The following CLIC5 variants were observed in gnomAD, a reference collection of about 807,000 sequenced individuals.
CLIC5 encodes the protein CLIC family member 5.
A neutral mutation model predicts 24.7 loss-of-function variants in CLIC5; 20 were observed. The ratio of observed to expected loss-of-function variants is 0.81; its 90% CI spans 0.57 to 1.18. CLIC5 has a LOEUF of 1.18. CLIC5 is among the 50% of genes most tolerant of loss of function. The pLI is 0.00. For synonymous variants in CLIC5, 159 were observed against 135.6 expected, an observed-to-expected ratio of 1.17 and a Z score of -1.20; for missense variants, 341 against 326.1, an observed-to-expected ratio of 1.05 and a Z score of -0.35.
At chr6:46,005,433 G>A (rs746935485) in intron 1 of CLIC5, among the ~76,000 whole-genome samples, 9 of 152,244 alleles carry the variant, frequency 5.9e-5, no homozygotes, top group African/African-American at 1.4e-4. Flanking sequence ...GGCCTCCCAC[G>A]CCAAAACACC....
intron 4 of CLIC5, among the ~76,000 whole-genome samples, chr6:45,916,941 A>G (rs546985817): frequency 4.6e-5 from 7 of 152,278 alleles, no homozygotes; most frequent in African/African-American, 1.7e-4. Context: ...GGAAGAGGAG[A>G]CAAGGCAACA....
chr6:46,074,718 C>T (rs925007888), intron 1 of CLIC5, among the ~76,000 whole-genome samples: 3 of 152,190 alleles, frequency 2.0e-5, no homozygotes, highest in African/African-American at 7.2e-5. Flanking sequence ...ATCTAGAAAC[C>T]ATAGTCAGTG....
At chr6:45,889,540 A>G (rs1762331990) in intron 6 of CLIC5, among the ~76,000 whole-genome samples, 1 of 152,208 alleles carries the variant, frequency 6.6e-6, no homozygotes, top group Non-Finnish European at 1.5e-5. Flanking sequence ...GTAAGGGTAT[A>G]TATTTGCATT....
intron 5 of CLIC5, among the ~76,000 whole-genome samples, chr6:45,905,533 G>A (rs1045564843): frequency 2.7e-5 from 4 of 148,192 alleles, no homozygotes; most frequent in African/African-American, 1.0e-4. Context: ...CTTTTTTTGA[G>A]AAGTGTCTGT....
At chr6:46,053,416 A>T (rs1460508313) in intron 1 of CLIC5, among the ~76,000 whole-genome samples, 1 of 152,222 alleles carries the variant, frequency 6.6e-6, no homozygotes, top group Admixed American at 6.5e-5. Context: ...TGAGGAATTG[A>T]GCCGTGCCCA....
chr6:46,094,241 C>T, the CLIC5 span, among the ~76,000 whole-genome samples: 1 of 152,154 alleles, frequency 6.6e-6, no homozygotes, highest in African/African-American at 2.4e-5. Context: ...AGATCCAAAC[C>T]ATATAATTCA....
intron 1 of CLIC5, among the ~76,000 whole-genome samples, chr6:46,022,902 C>A (rs188682719): frequency 6.6e-6 from 1 of 152,230 alleles, no homozygotes; most frequent in East Asian, 1.9e-4. Context: ...TTATTCCTTC[C>A]GGGATTGAGT....
chr6:46,009,710 G>A (rs915006300), intron 1 of CLIC5, among the ~76,000 whole-genome samples: 4 of 152,178 alleles, frequency 2.6e-5, no homozygotes, highest in African/African-American at 9.7e-5. Flanking sequence ...CTGGAAGATT[G>A]TTGAGGAAGG....
At chr6:45,934,321 A>G (rs1190210250) in intron 4 of CLIC5, 6 of 152,154 alleles carry the variant, frequency 3.9e-5, no homozygotes, top group Non-Finnish European at 8.8e-5. Flanking sequence ...GGGAGTAGCT[A>G]TAAAGCCTTT....
chr6:46,016,142 G>GAAAGGGGAAGGGGAAGAGGAAGGGA (rs1766997942), upstream of CLIC5, among the ~76,000 whole-genome samples: 1 of 113,168 alleles, frequency 8.8e-6, no homozygotes, highest in Admixed American at 9.0e-5. Context: ...AGAGGAAGGG[G>GAAAGGGGAAGGGGAAGAGGAAGGGA]AAAGGGGAAG....
At chr6:46,034,634 G>A (rs1581886078) in intron 1 of CLIC5, among the ~76,000 whole-genome samples, 1 of 152,248 alleles carries the variant, frequency 6.6e-6, no homozygotes, top group African/African-American at 2.4e-5. Flanking sequence ...AAAAGTGGTG[G>A]TAGCTCAAGC....
At chr6:46,054,390 A>G (rs1161177008) in intron 1 of CLIC5, among the ~76,000 whole-genome samples, 1 of 152,154 alleles carries the variant, frequency 6.6e-6, no homozygotes, top group East Asian at 1.9e-4. Context: ...ACACACTCTA[A>G]AAGTCTTAGC....
chr6:45,889,356 G>A (rs748090635), intron 6 of CLIC5, among the ~76,000 whole-genome samples: 7 of 152,022 alleles, frequency 4.6e-5, no homozygotes, highest in African/African-American at 7.3e-5. Context: ...TGACTGAATC[G>A]TCTTCTAAAG....
the CLIC5 span, among the ~76,000 whole-genome samples, chr6:46,099,406 G>C: frequency 6.6e-6 from 1 of 152,160 alleles, no homozygotes; most frequent in Non-Finnish European, 1.5e-5. Context: ...AAGTATTTTT[G>C]TCTATTATTA....
intron 1 of CLIC5, among the ~76,000 whole-genome samples, chr6:46,069,894 C>T (rs1012975240): frequency 1.3e-5 from 2 of 152,104 alleles, no homozygotes; most frequent in Non-Finnish European, 2.9e-5. Context: ...AAGCTTTATC[C>T]CTGGGATGCA....
At chr6:46,106,034 G>C in the CLIC5 span, among the ~76,000 whole-genome samples, 1 of 152,306 alleles carries the variant, frequency 6.6e-6, no homozygotes, top group South Asian at 2.1e-4. Flanking sequence ...CCAGCTTAGG[G>C]GCAATGTCTT....
At chr6:45,894,447 A>C (rs1312615192), downstream of CLIC5, among the ~76,000 whole-genome samples, 3 of 152,204 alleles carry the variant, frequency 2.0e-5, no homozygotes, top group African/African-American at 7.2e-5. Context: ...GGGCTGAATA[A>C]AGAAAACTGG....
At chr6:45,933,682 G>T (rs533031376) in intron 4 of CLIC5, among the ~76,000 whole-genome samples, 1 of 152,330 alleles carries the variant, frequency 6.6e-6, no homozygotes, top group Admixed American at 6.5e-5. Context: ...CACATCTAGT[G>T]CAGGAGCCCA....
At chr6:45,983,766 T>C (rs1039899338) in intron 1 of CLIC5, among the ~76,000 whole-genome samples, 2 of 152,224 alleles carry the variant, frequency 1.3e-5, no homozygotes, top group African/African-American at 2.4e-5. Context: ...GAACCTGCCT[T>C]CGGGCCTGAA....
Sources: allele counts gnomAD v4.1 joint callset (sites outside exome capture counted in the v4.1 genomes callset), GRCh38; gene constraint gnomAD v4.1.1; transcripts MANE v1.5; gene names NCBI Gene and HGNC (gene_info 2026-07-23, HGNC 2026-07-21).